The following KCNJ13 variants were observed in gnomAD, a reference collection of about 807,000 sequenced individuals.
KCNJ13 encodes the protein potassium inwardly rectifying channel subfamily J member 13, also known as inward rectifier potassium channel 13.
Under a neutral mutation model 24.6 loss-of-function variants are expected in KCNJ13, and 9 were observed. That is an observed-to-expected ratio of 0.37 (90% CI 0.22 to 0.64). The LOEUF is 0.64. KCNJ13 is among the 30% of genes least tolerant of loss of function. The probability of loss-of-function intolerance (pLI) is 0.64; values close to 1 mark genes in which losing one functional copy is unlikely to be tolerated. For synonymous variants in KCNJ13, 148 were observed against 154.7 expected (o/e 0.96, Z 0.32); for missense variants, 337 against 443.8 (o/e 0.76, Z 2.16).
Position 232,768,804 on chromosome 2 carries a change from A to G in KCNJ13, c.470T>C (p.Val157Ala). The change falls in exon 3 of 3, where the codon GTG becomes GCG. Residue 157 changes from valine to alanine, a missense_variant. This residue lies in a region of KCNJ13 where 235 missense variants were observed against 286.9 expected (regional missense o/e 0.82). Transcript: ENST00000233826. ...MLEAFITGAF[V>A]AKIARPKNRA... ...ATTTTTTGGCCGGGCAATCTTCGCC[A>G]CAAAAGCACCTAAATAAGAAATTAT... The G allele has an allele frequency of 6.2e-7, 1 of 1,605,686 alleles. No individual in the cohort carries two copies. Among genetic ancestry groups the G allele is most frequent in the Non-Finnish European group, 8.5e-7 (1 of 1,174,222 alleles).
chr2:232,775,634 A>T (rs906446958), intron 1 of KCNJ13, among the ~76,000 whole-genome samples: 1 of 152,194 alleles, frequency 6.6e-6, no homozygotes, highest in Non-Finnish European at 1.5e-5. Flanking sequence ...TGGAGGAAAA[A>T]TAGTACCTAT....
At position 232,767,559 on chromosome 2, in the gene KCNJ13, T is replaced by C. The variant is rs1188920702; in HGVS notation, c.*632A>G. 1 of 153,674 alleles carries C rather than the reference T, an allele frequency of 6.5e-6. No individual in the cohort carries two copies. Among genetic ancestry groups the C allele is most frequent in the African/African-American group, 2.4e-5 (1 of 41,450 alleles). The allele number at this position is 153,674 out of a possible 1,614,324, so 9.5% of individuals were successfully genotyped here. On this transcript the variant is annotated 3_prime_UTR_variant, in exon 3 of 3. Coordinates refer to ENST00000233826, the MANE Select transcript of KCNJ13 (RefSeq NM_002242.4). ...CTTCTGCCACAAATAAGTGAACATA[T>C]ATGTATGTGTTCGGGTGTCATGTTC...
At chr2:232,771,890 G>A (rs1191449352) in intron 1 of KCNJ13, among the ~76,000 whole-genome samples, 1 of 152,214 alleles carries the variant, frequency 6.6e-6, no homozygotes, top group Non-Finnish European at 1.5e-5. Context: ...TTTGAAGCCA[G>A]ATTTAGTATA....
At chr2:232,776,050 A>G (rs1699498088) in intron 1 of KCNJ13, among the ~76,000 whole-genome samples, 1 of 151,956 alleles carries the variant, frequency 6.6e-6, no homozygotes, top group Non-Finnish European at 1.5e-5. Flanking sequence ...TTACAGAAGT[A>G]AAAACAAAGT....
intron 1 of KCNJ13, among the ~76,000 whole-genome samples, chr2:232,775,975 T>G (rs906383755): frequency 2.6e-5 from 4 of 152,354 alleles, no homozygotes; most frequent in Middle Eastern, 3.4e-3. Flanking sequence ...AAGTATCTAT[T>G]AATTTCCGCA....
intron 1 of KCNJ13, among the ~76,000 whole-genome samples, chr2:232,775,713 G>C (rs959316632): frequency 6.6e-6 from 1 of 152,214 alleles, no homozygotes; most frequent in Admixed American, 6.5e-5. Context: ...GCACTTAAAA[G>C]TATGTATTTT....
Position 232,765,911 on chromosome 2 carries a change from A to T in KCNJ13, c.*2280T>A, listed in dbSNP as rs947908643. 3 of 448,650 alleles carry T rather than the reference A, an allele frequency of 6.7e-6. No individual in the cohort carries two copies. Among genetic ancestry groups the T allele is most frequent in the African/African-American group, 4.4e-5 (2 of 45,964 alleles). The allele number at this position is 448,650 out of a possible 1,614,324, so 27.8% of individuals were successfully genotyped here. A position where few individuals can be genotyped will look rare whatever the true frequency, so the allele number is the denominator to read the frequency against. On this transcript the variant is annotated 3_prime_UTR_variant, in exon 3 of 3. Transcript: ENST00000233826. ...TATCAGTTTCCAAAGGAACGTTTAA[A>T]GTTAGTTCCGAAGTAGTCTTCCTGA...
In KCNJ13 at chr2:232,767,780, C is replaced by A; in HGVS notation, c.*411G>T. The A allele has an allele frequency of 4.5e-6, 1 of 222,818 alleles. No homozygotes were observed. The highest frequency in any genetic ancestry group is 9.0e-6 in the Non-Finnish European group (1 of 111,204). The allele number at this position is 222,818 out of a possible 1,614,324, so 13.8% of individuals were successfully genotyped here. A position where few individuals can be genotyped will look rare whatever the true frequency, so the allele number is the denominator to read the frequency against. The stretch of plus-strand genomic sequence containing the variant: ...CACTAAGTATAGTGAAGTCGTCATT[C>A]CACCCAGGGAGCTAGGTTTGAAACT... On this transcript the variant is annotated 3_prime_UTR_variant, in exon 3 of 3. Transcript: ENST00000233826.
chr2:232,768,085 A>G lies in KCNJ13; in HGVS notation c.*106T>C. On this transcript the variant is annotated 3_prime_UTR_variant, in exon 3 of 3. Coordinates refer to ENST00000233826, the MANE Select transcript of KCNJ13 (RefSeq NM_002242.4). Reference sequence around the variant, plus strand: ...GGCATAGGCATGATTACCGTGATGTAGAGAGCTATAATTAGCATTGAAAAA... The same window carrying G: ...GGCATAGGCATGATTACCGTGATGTGGAGAGCTATAATTAGCATTGAAAAA... 9.1e-7 allele frequency: 1 copy of G among 1,093,734 alleles called. No individual in the cohort carries two copies. Among genetic ancestry groups the G allele is most frequent in the Non-Finnish European group, 1.4e-6 (1 of 722,826 alleles). 67.8% of individuals were successfully genotyped at this position (1,093,734 alleles called of 1,614,324 possible).
chr2:232,774,981 T>C (rs1699450607), intron 1 of KCNJ13, among the ~76,000 whole-genome samples: 1 of 152,036 alleles, frequency 6.6e-6, no homozygotes, highest in Non-Finnish European at 1.5e-5. Flanking sequence ...TACAATTGTA[T>C]TTTTTTTCTC....
chr2:232,768,440 A>G lies in KCNJ13; in HGVS notation c.834T>C (p.Thr278=), dbSNP rs957867680. ...VVFLSAMQEG[T]GEICQRRTSY... ...ATGTCCTCCTTTGGCATATTTCTCC[A>G]GTGCCCTCCTGCATTGCTGAAAGGA... The change falls in exon 3 of 3, where the codon ACT becomes ACC. Residue 278 remains threonine (T), a synonymous_variant. Transcript: ENST00000233826. The G allele has an allele frequency of 6.2e-7, 1 of 1,614,232 alleles. No individual in the cohort carries two copies. Among genetic ancestry groups the G allele is most frequent in the African/African-American group, 1.3e-5 (1 of 75,062 alleles).
chr2:232,768,329 C>T lies in KCNJ13; in HGVS notation c.945G>A (p.Met315Ile). 6.2e-7 allele frequency: 1 copy of T among 1,614,118 alleles called. No individual in the cohort carries two copies. The change falls in exon 3 of 3, where the codon ATG (methionine) becomes ATA (isoleucine). Residue 315 changes from methionine (M) to isoleucine (I), a missense_variant. By Grantham distance (10) the Met-to-Ile change is conservative. This residue lies in a region of KCNJ13 where 235 missense variants were observed against 286.9 expected (regional missense o/e 0.82). Coordinates refer to ENST00000233826, the MANE Select transcript of KCNJ13 (RefSeq NM_002242.4). ...CAGGGACAGTCTTGTCAAAATTCTC[C>T]ATCTTGATTTGATATTCACCTTTGG... ...RGSKGEYQIKMENFDKTVPEF... is the reference protein window; with the variant it reads ...RGSKGEYQIKIENFDKTVPEF...
chr2:232,774,419 G>T (rs1699424950), intron 1 of KCNJ13, among the ~76,000 whole-genome samples: 2 of 152,292 alleles, frequency 1.3e-5, no homozygotes, highest in South Asian at 4.1e-4. Context: ...TGAATTATTA[G>T]ATAGTCCAGT....
intron 2 of KCNJ13, among the ~76,000 whole-genome samples, chr2:232,769,695 G>A (rs1038327640): frequency 6.6e-6 from 1 of 151,892 alleles, no homozygotes; most frequent in East Asian, 1.9e-4. Flanking sequence ...AATCAGTTTT[G>A]TGCCACAGAT....
At position 232,770,917 on chromosome 2, in the gene KCNJ13, T is replaced by C. The variant is rs1366295731; in HGVS notation, c.446A>G (p.Glu149Gly). 6.2e-7 allele frequency: 1 copy of C among 1,613,050 alleles called. No individual in the cohort carries two copies. Among genetic ancestry groups the C allele is most frequent in the Non-Finnish European group, 8.5e-7 (1 of 1,179,100 alleles). ...GACAAAATTACCTGTGATAAAAGCC[T>C]CTAGCATGAGGCCTAGGAGCATTTG... The part of the protein sequence containing the change: ...AIQMLLGLML[E>G]AFITGAFVAK... Residue 149 changes from glutamate (E) to glycine (G), a missense_variant, in exon 2 of 3, where the codon GAG (glutamate) becomes GGG (glycine). By Grantham distance (98) the Glu-to-Gly change is moderately conservative. This residue lies in a region of KCNJ13 where 235 missense variants were observed against 286.9 expected (regional missense o/e 0.82). Coordinates refer to ENST00000233826, the MANE Select transcript of KCNJ13 (RefSeq NM_002242.4).
chr2:232,772,342 G>A (rs1283637853), intron 1 of KCNJ13, among the ~76,000 whole-genome samples: 1 of 152,150 alleles, frequency 6.6e-6, no homozygotes, highest in Non-Finnish European at 1.5e-5. Flanking sequence ...AGATTGGGGG[G>A]TAGAAAGAGA....
intron 1 of KCNJ13, among the ~76,000 whole-genome samples, chr2:232,774,084 C>T (rs925001154): frequency 1.9e-4 from 28 of 151,182 alleles, no homozygotes; most frequent in Admixed American, 2.6e-4. Context: ...GAATTCAAGA[C>T]CGATCTGGCC....
rs563775746 is a variant in KCNJ13, at chr2:232,775,939, A to G, written c.-17+506T>C. Reference sequence around the variant, plus strand: ...CTAACCCTGTTATATAAGCTCAGAGATTCTATTTTAATTTCTCAGTTGCAG... The same window carrying G: ...CTAACCCTGTTATATAAGCTCAGAGGTTCTATTTTAATTTCTCAGTTGCAG... On this transcript the variant is annotated intron_variant, in intron 1 of 2. Transcript: ENST00000233826. 2.0e-3 allele frequency among the ~76,000 whole-genome samples: 311 copies of G among 152,244 alleles called. 1 individual carries two copies. The highest frequency in any genetic ancestry group is 7.1e-3 in the African/African-American group (296 of 41,548).
rs1267983202 is a variant in KCNJ13 at position 232,766,585 on chromosome 2, C to T, written c.*1606G>A. 6.6e-6 allele frequency: 1 copy of T among 152,288 alleles called. No individual in the cohort carries two copies. Among genetic ancestry groups the T allele is most frequent in the Non-Finnish European group, 1.5e-5 (1 of 68,118 alleles). The allele number at this position is 152,288 out of a possible 1,614,324, so 9.4% of individuals were successfully genotyped here. On this transcript the variant is annotated 3_prime_UTR_variant, in exon 3 of 3. Coordinates refer to ENST00000233826, the MANE Select transcript of KCNJ13 (RefSeq NM_002242.4). ...TCTTGGGTTGGGAAAATCTGTTGGT[C>T]TGATTTCTACTTAAGAATGAATGTC...
Sources: allele counts gnomAD v4.1 joint callset (sites outside exome capture counted in the v4.1 genomes callset), GRCh38; gene constraint gnomAD v4.1.1; regional missense constraint gnomAD v4.1.1; transcripts MANE v1.5; gene names NCBI Gene and HGNC (gene_info 2026-07-23, HGNC 2026-07-21).